The following KIF2A variants were observed in gnomAD, a reference collection of about 807,000 sequenced individuals.
The protein encoded by KIF2A is kinesin-like protein KIF2A.
Under a neutral mutation model 100.2 loss-of-function variants are expected in KIF2A, and 22 were observed. That is an observed-to-expected ratio of 0.22 (90% CI 0.16 to 0.31). KIF2A has a LOEUF of 0.31. KIF2A is among the 10% of genes least tolerant of loss of function. The pLI, the probability that KIF2A is intolerant of heterozygous loss-of-function variation, is 1.00. For missense variants in KIF2A, 495 were observed against 898.7 expected (o/e 0.55, Z 5.74); for synonymous variants, 268 against 285.9 (o/e 0.94, Z 0.63).
intron 5 of KIF2A, chr5:62,352,929 A>G (rs941493480): frequency 4.6e-5 from 20 of 435,174 alleles, no homozygotes; most frequent in Admixed American, 8.5e-5. Context: ...AATTATAGCA[A>G]TGTTTCAGTT....
intron 7 of KIF2A, among the ~76,000 whole-genome samples, chr5:62,356,194 G>C (rs1349609339): frequency 1.3e-5 from 2 of 152,212 alleles, no homozygotes; most frequent in Non-Finnish European, 2.9e-5. Flanking sequence ...ATTTGTGTTA[G>C]ATAGATGTAT....
chr5:62,373,907 C>T, intron 18 of KIF2A, 70 bp downstream of exon 18: 2 of 1,255,234 alleles, frequency 1.6e-6, no homozygotes, highest in South Asian at 1.3e-5. Flanking sequence ...TAACTGAAAA[C>T]TATCATTTAA....
chr5:62,376,033 C>G (rs1419340215), intron 18 of KIF2A, among the ~76,000 whole-genome samples: 1 of 152,140 alleles, frequency 6.6e-6, no homozygotes, highest in Non-Finnish European at 1.5e-5. Context: ...TAAAGTAAAC[C>G]CTGCATTGCA....
chr5:62,343,438 A>C (rs1561263120), intron 1 of KIF2A, among the ~76,000 whole-genome samples: 1 of 152,150 alleles, frequency 6.6e-6, no homozygotes, highest in Non-Finnish European at 1.5e-5. Flanking sequence ...GTGAGATAGG[A>C]ATCAGACAAT....
chr5:62,338,876 CAA>C (rs2111876466), intron 1 of KIF2A, among the ~76,000 whole-genome samples: 1 of 152,214 alleles, frequency 6.6e-6, no homozygotes. Context: ...CCCCAACACT[CAA>C]GTCAGTACTC....
intron 3 of KIF2A, among the ~76,000 whole-genome samples, chr5:62,348,603 A>T (rs746703446): frequency 6.6e-6 from 1 of 152,214 alleles, no homozygotes; most frequent in Non-Finnish European, 1.5e-5. Context: ...GTTCACTTCT[A>T]TATTGACTGT....
At chr5:62,379,053 A>C (rs1292974553) in intron 19 of KIF2A, among the ~76,000 whole-genome samples, 1 of 151,900 alleles carries the variant, frequency 6.6e-6, no homozygotes, top group African/African-American at 2.4e-5. Context: ...GGGTGGATGG[A>C]TTGCTTGAGC....
At position 62,361,214 on chromosome 5, in the gene KIF2A, A is replaced by G; in HGVS notation, c.873-28A>G. 2 of 1,279,942 alleles carry G rather than the reference A, an allele frequency of 1.6e-6. 1 individual carries two copies. Among genetic ancestry groups the G allele is most frequent in the South Asian group, 2.6e-5 (2 of 78,310 alleles). 79.3% of individuals were successfully genotyped at this position (1,279,942 alleles called of 1,614,324 possible). A position where few individuals can be genotyped will look rare whatever the true frequency, so the allele number is the denominator to read the frequency against. On this transcript the variant is annotated intron_variant, in intron 9 of 20. Transcript: ENST00000407818. ...TTATTCATCAAAATATTGGTGACAC[A>G]TTCTGACTGATGCATTTTATTTTTA...
In KIF2A at chr5:62,370,011, T is replaced by C. The variant is rs116396602; in HGVS notation, c.1647-2427T>C. Among the ~76,000 whole-genome samples, 706 of 152,306 alleles carry C rather than the reference T, an allele frequency of 4.6e-3. 6 individuals carry two copies. The highest frequency in any genetic ancestry group is 0.016 in the African/African-American group (659 of 41,556). On this transcript the variant is annotated intron_variant, in intron 16 of 20. Coordinates refer to ENST00000407818, the MANE Select transcript of KIF2A (RefSeq NM_001098511.3). Reference sequence around the variant, plus strand: ...TGACCATGTCCATCTTAAAGGATTGTTTTTGAGGACTAAAAGAAGTGATCT... The same window carrying C: ...TGACCATGTCCATCTTAAAGGATTGCTTTTGAGGACTAAAAGAAGTGATCT...
chr5:62,366,672 A>G (rs1341201690), intron 16 of KIF2A, among the ~76,000 whole-genome samples, 191 bp downstream of exon 16: 1 of 152,108 alleles, frequency 6.6e-6, no homozygotes, highest in African/African-American at 2.4e-5. Context: ...TCTACTAAAA[A>G]TACAAAAAAT....
chr5:62,319,194 C>A (rs1445332655), intron 1 of KIF2A, among the ~76,000 whole-genome samples: 2 of 150,200 alleles, frequency 1.3e-5, no homozygotes, highest in Non-Finnish European at 1.5e-5. Flanking sequence ...CAACAAAAAA[C>A]CCAAAACAAT....
In KIF2A at chr5:62,390,342, T is replaced by C. The variant is rs930514659; in HGVS notation, c.*4773T>C. Among the ~76,000 whole-genome samples, 9 of 152,236 alleles carry C rather than the reference T, an allele frequency of 5.9e-5. No homozygotes were observed. Among genetic ancestry groups the C allele is most frequent in the African/African-American group, 2.2e-4 (9 of 41,462 alleles). ...AAATTACCTAGATAATTATGACAGC[T>C]TTTTACTTGAGAAGTGTAGAACTTG... On this transcript the variant is annotated 3_prime_UTR_variant, in exon 21 of 21. Transcript: ENST00000407818.
chr5:62,325,154 T>C (rs770296731), intron 1 of KIF2A, among the ~76,000 whole-genome samples: 8 of 152,074 alleles, frequency 5.3e-5, no homozygotes, highest in Non-Finnish European at 8.8e-5. Flanking sequence ...AGACAGAGTC[T>C]CGCTCTGTCA....
intron 20 of KIF2A, among the ~76,000 whole-genome samples, chr5:62,383,012 C>G (rs112695032): frequency 0.021 from 3,106 of 147,446 alleles, 124 homozygotes; most frequent in African/African-American, 0.075. Flanking sequence ...CTGCGACCTC[C>G]GCCTCCCAGG....
At chr5:62,313,649 G>A (rs551558092) in intron 1 of KIF2A, among the ~76,000 whole-genome samples, 22 of 152,142 alleles carry the variant, frequency 1.4e-4, no homozygotes, top group South Asian at 4.2e-4. Flanking sequence ...CACTGCGCCC[G>A]GCCAGCCTCA....
At chr5:62,308,943 A>G (rs1745437383) in intron 1 of KIF2A, among the ~76,000 whole-genome samples, 1 of 152,204 alleles carries the variant, frequency 6.6e-6, no homozygotes, top group Admixed American at 6.5e-5. Flanking sequence ...AGCTATATTA[A>G]TCTGCTTCAC....
At chr5:62,382,640 T>G (rs1694052040) in intron 20 of KIF2A, among the ~76,000 whole-genome samples, 1 of 151,684 alleles carries the variant, frequency 6.6e-6, no homozygotes, top group East Asian at 1.9e-4. Flanking sequence ...TCAGGTTTTT[T>G]TTTTTTTTTT....
Position 62,387,249 on chromosome 5 carries a change from T to TAAGA in KIF2A, c.*1681_*1684dup, listed in dbSNP as rs1742074901. ...AAGGACTCAGGTTTTCTTGCAGCTG[T>TAAGA]AAGATATATTCTATTTGTGTTTATT... On this transcript the variant is annotated 3_prime_UTR_variant, in exon 21 of 21. Transcript: ENST00000407818. 1 of 152,182 alleles carries TAAGA rather than the reference T, an allele frequency of 6.6e-6. No homozygotes were observed. Among genetic ancestry groups the TAAGA allele is most frequent in the African/African-American group, 2.4e-5 (1 of 41,450 alleles). The allele number at this position is 152,182 out of a possible 1,614,324, so 9.4% of individuals were successfully genotyped here. A position where few individuals can be genotyped will look rare whatever the true frequency, so the allele number is the denominator to read the frequency against.
rs1244457860 is a variant in KIF2A at position 62,387,529 on chromosome 5, A to AAATT, written c.*1962_*1965dup. On this transcript the variant is annotated 3_prime_UTR_variant, in exon 21 of 21. Transcript: ENST00000407818. ...GCTTCATTCTGATCAGGTATTTTAA[A>AAATT]AATTAGTACCAGAAAAGATACTGGA... 1 of 152,184 alleles carries AAATT rather than the reference A, an allele frequency of 6.6e-6. No individual in the cohort carries two copies. Among genetic ancestry groups the AAATT allele is most frequent in the East Asian group, 1.9e-4 (1 of 5,196 alleles). 9.4% of individuals were successfully genotyped at this position (152,184 alleles called of 1,614,324 possible). A position where few individuals can be genotyped will look rare whatever the true frequency, so the allele number is the denominator to read the frequency against.
Sources: gnomAD v4.1 joint callset for allele counts (sites outside exome capture counted in the v4.1 genomes callset) on GRCh38, gnomAD v4.1.1 for gene constraint, MANE v1.5 for transcripts, NCBI Gene and HGNC (gene_info 2026-07-23, HGNC 2026-07-21) for gene names.